DLG1: variants seen among roughly 807,000 people sequenced by gnomAD.
DLG1 encodes the protein disks large homolog 1.
In DLG1, 42 loss-of-function variants were observed where a neutral mutation model predicts 123.4. The ratio of observed to expected loss-of-function variants is 0.34; its 90% CI spans 0.27 to 0.44. DLG1 has a LOEUF of 0.44. Ranked by LOEUF, DLG1 falls within the 20% of genes least tolerant of loss-of-function variation. The probability of loss-of-function intolerance (pLI) is 1.00; values close to 1 mark genes in which losing one functional copy is unlikely to be tolerated. For synonymous variants in DLG1, 317 were observed against 356.2 expected, an observed-to-expected ratio of 0.89 and a Z score of 1.24; for missense variants, 942 against 1,082.6, an observed-to-expected ratio of 0.87 and a Z score of 1.82.
chr3:197,271,652 A>C (rs760352142), intron 4 of DLG1, among the ~76,000 whole-genome samples: 38 of 152,210 alleles, frequency 2.5e-4, no homozygotes, highest in Non-Finnish European at 4.1e-4. Flanking sequence ...TTCAAGTCCC[A>C]CAAAATAGAC....
chr3:197,228,581 T>C (rs1386287904), intron 4 of DLG1, among the ~76,000 whole-genome samples: 1 of 152,200 alleles, frequency 6.6e-6, no homozygotes, highest in Admixed American at 6.5e-5. Context: ...AAATTTACCA[T>C]ACCTAAAACT....
chr3:197,204,600 T>C (rs1727565732), intron 4 of DLG1, among the ~76,000 whole-genome samples: 1 of 152,234 alleles, frequency 6.6e-6, no homozygotes, highest in South Asian at 2.1e-4. Context: ...TCTCCATATC[T>C]GTGAGTTCCA....
chr3:197,178,088 G>A (rs1029327757), intron 5 of DLG1, among the ~76,000 whole-genome samples: 5 of 152,102 alleles, frequency 3.3e-5, no homozygotes, highest in African/African-American at 1.2e-4. Context: ...GGAGCTGACA[G>A]TCAAGTAAAA....
At chr3:197,188,995 A>T (rs1717708012) in intron 5 of DLG1, among the ~76,000 whole-genome samples, 1 of 152,230 alleles carries the variant, frequency 6.6e-6, no homozygotes, top group Admixed American at 6.5e-5. Flanking sequence ...CTGCCACAGT[A>T]ACCTAGGAAT....
intron 4 of DLG1, among the ~76,000 whole-genome samples, chr3:197,231,328 A>G (rs1226841813): frequency 6.6e-6 from 1 of 152,220 alleles, no homozygotes; most frequent in East Asian, 1.9e-4. Context: ...GCCCACAATA[A>G]TGTGGACATT....
chr3:197,049,074 T>C (rs972733804), intron 24 of DLG1, among the ~76,000 whole-genome samples: 2 of 152,078 alleles, frequency 1.3e-5, no homozygotes, highest in Non-Finnish European at 2.9e-5. Context: ...ATTCCAGCAC[T>C]CTGGGAGGCT....
chr3:197,236,708 T>C (rs1259940858), intron 4 of DLG1, among the ~76,000 whole-genome samples: 1 of 152,158 alleles, frequency 6.6e-6, no homozygotes, highest in Non-Finnish European at 1.5e-5. Context: ...GAAAAGTCGA[T>C]TTTCACAGTT....
At chr3:197,297,609 A>T in intron 1 of DLG1, 1 of 1,015,180 alleles carries the variant, frequency 9.9e-7, no homozygotes, top group Non-Finnish European at 1.2e-6. Context: ...GCGGCCGCAG[A>T]GCGCTGAGAG....
chr3:197,049,485 T>C (rs1008848965), intron 24 of DLG1, among the ~76,000 whole-genome samples: 5 of 152,220 alleles, frequency 3.3e-5, no homozygotes, highest in Non-Finnish European at 5.9e-5. Flanking sequence ...CCGGGCCCGA[T>C]GGCTCACGCC....
chr3:197,106,131 C>T lies in DLG1; in HGVS notation c.1444-1126G>A, dbSNP rs543367091. ...TAAATACATACCCCTTGAGGCTGGG[C>T]ATGGTGGCTCACACCTGTTATCCCA... On this transcript the variant is annotated intron_variant, in intron 13 of 24. Coordinates refer to ENST00000667157, the MANE Select transcript of DLG1 (RefSeq NM_001366207.1). 7.9e-5 allele frequency among the ~76,000 whole-genome samples: 12 copies of T among 152,340 alleles called. No homozygotes were observed. The South Asian group carries it at 2.5e-3, about 32-fold the overall frequency.
chr3:197,200,129 A>G (rs935811326), intron 4 of DLG1, among the ~76,000 whole-genome samples: 4 of 152,146 alleles, frequency 2.6e-5, no homozygotes, highest in African/African-American at 9.7e-5. Context: ...TTTAGAAACA[A>G]TTTTCTGATT....
At position 197,223,331 on chromosome 3, in the gene DLG1, G is replaced by GA. The variant is rs539430203; in HGVS notation, c.319-28743dup. Among the ~76,000 whole-genome samples, 478 of 152,168 alleles carry GA rather than the reference G, an allele frequency of 3.1e-3. 4 individuals carry two copies. Among genetic ancestry groups the GA allele is most frequent in the African/African-American group, 0.011 (454 of 41,524 alleles). ...ACACTCTCACTCTGACACACATGGG[G>GA]ACTTCCAAGATTCTATAGTAAACAT... On this transcript the variant is annotated intron_variant, in intron 4 of 24. Coordinates refer to ENST00000667157, the MANE Select transcript of DLG1 (RefSeq NM_001366207.1).
At chr3:197,151,312 C>T (rs1793735666) in intron 5 of DLG1, among the ~76,000 whole-genome samples, 1 of 152,094 alleles carries the variant, frequency 6.6e-6, no homozygotes, top group Non-Finnish European at 1.5e-5. Context: ...GATTTTTTAC[C>T]AAACATGCAG....
chr3:197,220,734 G>C (rs1209654129), intron 4 of DLG1, among the ~76,000 whole-genome samples: 3 of 152,144 alleles, frequency 2.0e-5, no homozygotes, highest in Non-Finnish European at 4.4e-5. Context: ...GAGTCCCATA[G>C]TCACTGAAGA....
At chr3:197,051,443 A>G in intron 24 of DLG1, 134 bp downstream of exon 24, 1 of 626,034 alleles carries the variant, frequency 1.6e-6, no homozygotes, top group South Asian at 2.2e-5. Flanking sequence ...CCCCAGCACC[A>G]CTGCCTAGGC....
intron 4 of DLG1, among the ~76,000 whole-genome samples, chr3:197,219,111 C>T (rs1028797549): frequency 5.3e-5 from 8 of 150,630 alleles, no homozygotes; most frequent in Non-Finnish European, 1.0e-4. Flanking sequence ...GCCTGGGCGA[C>T]AAGAGTGACA....
chr3:197,044,598 AAGAGAAAC>A lies in DLG1; in HGVS notation c.*17_*24del, dbSNP rs777573463. ...TGCCAAAGAAAATGGAATTGTGGAA[AAGAGAAAC>A]AGAGAAACATGAGTTTTCATAGCTT... is the stretch of plus-strand genomic sequence containing the variant. On this transcript the variant is annotated 3_prime_UTR_variant, in exon 25 of 25. Coordinates refer to ENST00000667157, the MANE Select transcript of DLG1 (RefSeq NM_001366207.1). The A allele has an allele frequency of 2.0e-5, 30 of 1,522,532 alleles. No individual in the cohort carries two copies. The highest frequency in any genetic ancestry group is 2.5e-5 in the Non-Finnish European group (28 of 1,102,352). 94.3% of individuals were successfully genotyped at this position (1,522,532 alleles called of 1,614,324 possible).
chr3:197,252,409 G>A (rs904300850), intron 4 of DLG1, among the ~76,000 whole-genome samples: 1 of 152,144 alleles, frequency 6.6e-6, no homozygotes, highest in Non-Finnish European at 1.5e-5. Flanking sequence ...GCTTTAAAAG[G>A]GTAGGAAATT....
At chr3:197,258,682 A>C (rs1757982290) in intron 4 of DLG1, among the ~76,000 whole-genome samples, 1 of 152,182 alleles carries the variant, frequency 6.6e-6, no homozygotes, top group East Asian at 1.9e-4. Flanking sequence ...AAAGCTCTCT[A>C]AGACCAGAAA....
Sources: gnomAD v4.1 joint callset for allele counts (sites outside exome capture counted in the v4.1 genomes callset) on GRCh38, gnomAD v4.1.1 for gene constraint, MANE v1.5 for transcripts, NCBI Gene and HGNC (gene_info 2026-07-23, HGNC 2026-07-21) for gene names.